Variants in SLC36A1 observed in about 807,000 individuals in gnomAD.
SLC36A1 encodes the protein proton-coupled amino acid transporter 1.
Under a neutral mutation model 47.5 loss-of-function variants are expected in SLC36A1, and 30 were observed. That is an observed-to-expected ratio of 0.63 (90% CI 0.47 to 0.86). The LOEUF is 0.86. Ranked by LOEUF, SLC36A1 falls within the 40% of genes least tolerant of loss-of-function variation. SLC36A1 has a pLI of 0.00. For synonymous variants in SLC36A1, 255 were observed against 249.7 expected, an observed-to-expected ratio of 1.02 and a Z score of -0.20; for missense variants, 517 against 606.0, an observed-to-expected ratio of 0.85 and a Z score of 1.54.
chr5:151,502,446 C>G, the SLC36A1 span, among the ~76,000 whole-genome samples: 7 of 148,318 alleles, frequency 4.7e-5, no homozygotes, highest in South Asian at 1.4e-3. Flanking sequence ...TCTTAATACT[C>G]AACATTGAGA....
At chr5:151,454,451 G>A (rs74996823) in intron 1 of SLC36A1, among the ~76,000 whole-genome samples, 8,367 of 152,104 alleles carry the variant, frequency 0.055, 696 homozygotes, top group African/African-American at 0.19. Flanking sequence ...AAAGAACTCC[G>A]GGGAGTGGCT....
chr5:151,367,890 C>A, the SLC36A1 span, among the ~76,000 whole-genome samples: 1 of 152,098 alleles, frequency 6.6e-6, no homozygotes, highest in Non-Finnish European at 1.5e-5. Context: ...CCTTGTCTTG[C>A]TAATAACTCT....
At chr5:151,505,258 A>G in the SLC36A1 span, 5 of 439,234 alleles carry the variant, frequency 1.1e-5, no homozygotes, top group South Asian at 1.1e-4. Context: ...GAGCCGGCAG[A>G]TCAGGGAGCC....
the SLC36A1 span, among the ~76,000 whole-genome samples, chr5:151,522,752 A>G: frequency 6.6e-6 from 1 of 152,228 alleles, no homozygotes; most frequent in South Asian, 2.1e-4. Flanking sequence ...CAGAGGGAGC[A>G]GCAAGTGTAA....
chr5:151,515,924 CT>C, the SLC36A1 span, among the ~76,000 whole-genome samples: 107 of 152,320 alleles, frequency 7.0e-4, no homozygotes, highest in Middle Eastern at 3.4e-3. Flanking sequence ...AGCCAAAGTC[CT>C]TACAATGTCC....
chr5:151,465,391 C>T (rs1756199490), intron 5 of SLC36A1, among the ~76,000 whole-genome samples: 1 of 152,200 alleles, frequency 6.6e-6, no homozygotes, highest in Non-Finnish European at 1.5e-5. Context: ...AGCATGGGGC[C>T]TGGCCTGAAT....
the SLC36A1 span, among the ~76,000 whole-genome samples, chr5:151,413,696 G>A: frequency 6.6e-6 from 1 of 152,000 alleles, no homozygotes; most frequent in Non-Finnish European, 1.5e-5. Context: ...AAAGAGCTGT[G>A]TTGCTTTTGT....
chr5:151,347,239 GCCAA>G, the SLC36A1 span: 1 of 1,604,828 alleles, frequency 6.2e-7, no homozygotes, highest in African/African-American at 1.3e-5. Context: ...CAGGGTTTTT[GCCAA>G]TGCAAGCTTC....
chr5:151,380,938 G>T, the SLC36A1 span: 1 of 398,080 alleles, frequency 2.5e-6, no homozygotes, highest in Non-Finnish European at 5.0e-6. Context: ...TCCAGATTTT[G>T]CTGTTAGCTA....
At chr5:151,373,578 A>T in the SLC36A1 span, among the ~76,000 whole-genome samples, 1 of 152,240 alleles carries the variant, frequency 6.6e-6, no homozygotes, top group African/African-American at 2.4e-5. Flanking sequence ...TTAAAAAAAC[A>T]AATGAAAACT....
At chr5:151,430,199 C>T in the SLC36A1 span, among the ~76,000 whole-genome samples, 1 of 147,996 alleles carries the variant, frequency 6.8e-6, no homozygotes, top group Non-Finnish European at 1.5e-5. Flanking sequence ...GAGTCTTGCT[C>T]TGTTACCCAG....
chr5:151,543,731 G>A, the SLC36A1 span: 1 of 1,614,194 alleles, frequency 6.2e-7, no homozygotes. Flanking sequence ...ATGTACACAG[G>A]CACAGTTGCT....
chr5:151,492,501 G>C (rs1231023084), downstream of SLC36A1: 1 of 151,544 alleles, frequency 6.6e-6, no homozygotes, highest in African/African-American at 2.4e-5. Context: ...GGCACAAGCA[G>C]TAGACCCATC....
chr5:151,476,478 T>C, intron 8 of SLC36A1, 112 bp from the exon 9 acceptor site: 1 of 822,508 alleles, frequency 1.2e-6, no homozygotes, highest in Non-Finnish European at 1.9e-6. Context: ...GATGTGCTTC[T>C]GGAGAATTCT....
chr5:151,510,876 G>A, the SLC36A1 span: 1 of 152,266 alleles, frequency 6.6e-6, no homozygotes, highest in Non-Finnish European at 1.5e-5. Context: ...CATGGTCAAG[G>A]AACTCAAACC....
chr5:151,381,755 T>TA, the SLC36A1 span, among the ~76,000 whole-genome samples: 1 of 152,162 alleles, frequency 6.6e-6, no homozygotes. Context: ...CCCTGTGATT[T>TA]CAACCCTGAC....
In SLC36A1 at chr5:151,481,422, C is replaced by T. The variant is rs117851537; in HGVS notation, c.1159+1933C>T. On this transcript the variant is annotated intron_variant, in intron 10 of 10. Coordinates refer to ENST00000243389, the MANE Select transcript of SLC36A1 (RefSeq NM_078483.4). ...CAGCAGCAACTTAAATGTATTTATG[C>T]GCGTTCATTTTGTTCTTGCTTCTCT... 3.0e-3 allele frequency among the ~76,000 whole-genome samples: 462 copies of T among 152,296 alleles called. 12 individuals are homozygous for T. In the East Asian group the frequency reaches 0.066, roughly 22 times the overall value.
the SLC36A1 span, among the ~76,000 whole-genome samples, chr5:151,383,440 A>C: frequency 6.6e-6 from 1 of 151,886 alleles, no homozygotes; most frequent in Non-Finnish European, 1.5e-5. Context: ...GATGAGTACT[A>C]CTCTAGGATT....
chr5:151,542,933 G>A, the SLC36A1 span: 3 of 1,614,080 alleles, frequency 1.9e-6, no homozygotes, highest in Admixed American at 1.7e-5. Flanking sequence ...TTGCTCTCAG[G>A]TGTAGTGCCC....
Sources: gnomAD v4.1 joint callset for allele counts (sites outside exome capture counted in the v4.1 genomes callset) on GRCh38, gnomAD v4.1.1 for gene constraint, MANE v1.5 for transcripts, NCBI Gene and HGNC (gene_info 2026-07-23, HGNC 2026-07-21) for gene names.